Variants in RNF150 observed in about 807,000 individuals in gnomAD.
RNF150 encodes the protein ring finger protein 150.
In RNF150, 24 loss-of-function variants were observed where a neutral mutation model predicts 39.3. The ratio of observed to expected loss-of-function variants is 0.61; its 90% confidence interval spans 0.44 to 0.86. RNF150 has a LOEUF of 0.86. RNF150 is among the 40% of genes least tolerant of loss of function. The pLI is 0.00. For synonymous variants in RNF150, 255 were observed against 227.3 expected (o/e 1.12, Z -1.10); for missense variants, 502 against 587.8 (o/e 0.85, Z 1.51).
intron 1 of RNF150, among the ~76,000 whole-genome samples, chr4:141,158,446 G>C (rs1727454032): frequency 7.5e-6 from 1 of 133,116 alleles, no homozygotes; most frequent in South Asian, 2.7e-4. Flanking sequence ...CACAAAAGGA[G>C]AACTTGTCAC....
chr4:141,062,152 C>G (rs528756305), intron 1 of RNF150, among the ~76,000 whole-genome samples: 31 of 152,148 alleles, frequency 2.0e-4, no homozygotes, highest in Non-Finnish European at 4.0e-4. Flanking sequence ...GAAATTATAT[C>G]CATTATGCTC....
chr4:141,115,338 T>C (rs1478937968), intron 1 of RNF150, among the ~76,000 whole-genome samples: 1 of 152,164 alleles, frequency 6.6e-6, no homozygotes, highest in Non-Finnish European at 1.5e-5. Flanking sequence ...AGCATTCCTA[T>C]ACACCAATAA....
intron 5 of RNF150, among the ~76,000 whole-genome samples, chr4:140,915,414 T>C (rs1730778247): frequency 6.6e-6 from 1 of 152,204 alleles, no homozygotes; most frequent in South Asian, 2.1e-4. Flanking sequence ...CACATAGTGC[T>C]ACCCAACGGT....
intron 4 of RNF150, among the ~76,000 whole-genome samples, chr4:140,931,222 T>A (rs1260184638): frequency 6.6e-6 from 1 of 152,154 alleles, no homozygotes; most frequent in Non-Finnish European, 1.5e-5. Context: ...ATTATGTGAT[T>A]ATTATGATTT....
chr4:141,169,244 T>C (rs1360400572), intron 1 of RNF150, among the ~76,000 whole-genome samples: 2 of 152,122 alleles, frequency 1.3e-5, no homozygotes, highest in Non-Finnish European at 2.9e-5. Flanking sequence ...CCCTTTTTTC[T>C]TCTTCCTGCT....
At chr4:141,175,129 G>A (rs1396651928) in intron 1 of RNF150, among the ~76,000 whole-genome samples, 1 of 152,198 alleles carries the variant, frequency 6.6e-6, no homozygotes, top group Non-Finnish European at 1.5e-5. Flanking sequence ...AAGGCAGAGT[G>A]CTGATGGTGG....
At chr4:141,166,256 G>A (rs529013407) in intron 1 of RNF150, among the ~76,000 whole-genome samples, 3 of 152,286 alleles carry the variant, frequency 2.0e-5, no homozygotes, top group East Asian at 1.9e-4. Context: ...CCAGGGAGAA[G>A]TTGAATCCCT....
intron 2 of RNF150, among the ~76,000 whole-genome samples, chr4:140,953,117 T>C (rs1352781944): frequency 6.6e-6 from 1 of 152,208 alleles, no homozygotes; most frequent in African/African-American, 2.4e-5. Flanking sequence ...ACTGCATATG[T>C]GTGGTCCATT....
chr4:141,096,914 T>C (rs58223674), intron 1 of RNF150, among the ~76,000 whole-genome samples: 1,545 of 152,350 alleles, frequency 0.01, 28 homozygotes, highest in African/African-American at 0.036. Flanking sequence ...TCAAAATTCC[T>C]TTGTTTGTTC....
intron 6 of RNF150, among the ~76,000 whole-genome samples, chr4:140,900,927 T>C (rs1578945597): frequency 6.6e-6 from 1 of 152,124 alleles, no homozygotes. Flanking sequence ...CCCAGAGATA[T>C]TAAGTGAATT....
intron 6 of RNF150, among the ~76,000 whole-genome samples, chr4:140,882,168 C>T (rs540181967): frequency 1.6e-4 from 25 of 152,074 alleles, no homozygotes; most frequent in African/African-American, 5.3e-4. Flanking sequence ...TACAGGCACC[C>T]GCCACTACGC....
At chr4:140,947,613 C>G (rs772329766) in intron 4 of RNF150, 41 bp downstream of exon 4, 1 of 1,506,290 alleles carries the variant, frequency 6.6e-7, no homozygotes, top group East Asian at 2.3e-5. Flanking sequence ...GCACGCTCCA[C>G]ACACACAACC....
rs189306070 is a variant in RNF150, at chr4:140,877,701, G to T, written c.1199-9322C>A. ...AAAAGAGATCAGATTTGTATCCATA[G>T]AAATGTAATACAAGGTGACATATGC... On this transcript the variant is annotated intron_variant, in intron 6 of 6. Coordinates refer to ENST00000515673, the MANE Select transcript of RNF150 (RefSeq NM_020724.2). Among the ~76,000 whole-genome samples the T allele has an allele frequency of 1.6e-3, 238 of 152,266 alleles. 1 individual carries two copies. The highest frequency in any genetic ancestry group is 4.9e-3 in the African/African-American group (205 of 41,554).
At chr4:141,136,522 T>C (rs1203934994), upstream of RNF150, among the ~76,000 whole-genome samples, 3 of 152,194 alleles carry the variant, frequency 2.0e-5, no homozygotes, top group Non-Finnish European at 2.9e-5. Context: ...TGCTACTCTT[T>C]TTTCCAGTGG....
At chr4:141,183,344 C>T (rs1020459980) in intron 1 of RNF150, among the ~76,000 whole-genome samples, 1 of 151,916 alleles carries the variant, frequency 6.6e-6, no homozygotes, top group Non-Finnish European at 1.5e-5. Flanking sequence ...GATTCCTGCC[C>T]CACTGGTATA....
chr4:141,042,253 G>A (rs1736400076), intron 1 of RNF150, among the ~76,000 whole-genome samples: 2 of 152,046 alleles, frequency 1.3e-5, no homozygotes, highest in South Asian at 2.1e-4. Context: ...AAGTCTTCTT[G>A]TATAAAATGT....
At chr4:141,180,109 A>G (rs1049072376) in intron 1 of RNF150, among the ~76,000 whole-genome samples, 1 of 152,152 alleles carries the variant, frequency 6.6e-6, no homozygotes, top group African/African-American at 2.4e-5. Flanking sequence ...TTTTTCTCAC[A>G]TAACAAGAAG....
chr4:141,166,475 C>A (rs1332424432), intron 1 of RNF150, among the ~76,000 whole-genome samples: 1 of 152,124 alleles, frequency 6.6e-6, no homozygotes, highest in Non-Finnish European at 1.5e-5. Context: ...CAAAACCTGG[C>A]AGAGACACAA....
intron 1 of RNF150, among the ~76,000 whole-genome samples, chr4:141,045,274 T>A (rs1736529324): frequency 6.6e-6 from 1 of 152,232 alleles, no homozygotes; most frequent in Non-Finnish European, 1.5e-5. Flanking sequence ...CAAATGTGTA[T>A]AAGCATTGTT....
Sources: allele counts gnomAD v4.1 joint callset (sites outside exome capture counted in the v4.1 genomes callset), GRCh38; gene constraint gnomAD v4.1.1; transcripts MANE v1.5; gene names NCBI Gene and HGNC (gene_info 2026-07-23, HGNC 2026-07-21).